ST7: variants seen among roughly 807,000 people sequenced by gnomAD.
The protein encoded by ST7 is suppressor of tumorigenicity 7 protein.
Under a neutral mutation model 78.7 loss-of-function variants are expected in ST7, and 28 were observed. That is an observed-to-expected ratio of 0.36 (90% CI 0.26 to 0.49). The LOEUF (loss-of-function observed/expected upper bound fraction) is 0.49. Ranked by LOEUF, ST7 falls within the 20% of genes least tolerant of loss-of-function variation. The pLI is 0.99. For synonymous variants in ST7, 247 were observed against 249.6 expected (o/e 0.99, Z 0.10); for missense variants, 418 against 696.0 (o/e 0.60, Z 4.49).
At chr7:117,111,763 C>T (rs1197348177) in intron 2 of ST7, among the ~76,000 whole-genome samples, 2 of 152,158 alleles carry the variant, frequency 1.3e-5, no homozygotes, top group Non-Finnish European at 2.9e-5. Context: ...CCAGACCTGC[C>T]AAGTTAGTCT....
intron 1 of ST7, among the ~76,000 whole-genome samples, chr7:116,958,328 G>T (rs1792634911): frequency 6.6e-6 from 1 of 151,830 alleles, no homozygotes; most frequent in South Asian, 2.1e-4. Flanking sequence ...TGTTAATTAA[G>T]CTCATGAATA....
chr7:117,081,631 A>G (rs1220646629), intron 1 of ST7, among the ~76,000 whole-genome samples: 1 of 152,176 alleles, frequency 6.6e-6, no homozygotes, highest in Non-Finnish European at 1.5e-5. Flanking sequence ...TTTGTTTAAC[A>G]TGATTTGATT....
intron 1 of ST7, among the ~76,000 whole-genome samples, chr7:117,063,592 C>T (rs1798470396): frequency 2.0e-5 from 3 of 152,010 alleles, no homozygotes; most frequent in Admixed American, 6.6e-5. Flanking sequence ...ACCTGTAGTC[C>T]CAGCTACCTG....
chr7:116,983,648 C>T (rs892562147), intron 1 of ST7, among the ~76,000 whole-genome samples: 4 of 152,076 alleles, frequency 2.6e-5, no homozygotes, highest in Non-Finnish European at 4.4e-5. Flanking sequence ...GCAGGGCTGC[C>T]GCATGCATCG....
intron 12 of ST7, among the ~76,000 whole-genome samples, chr7:117,196,203 T>C (rs1171836208): frequency 1.3e-5 from 2 of 152,240 alleles, no homozygotes; most frequent in East Asian, 3.8e-4. Context: ...CTCTTGGCTA[T>C]TGTGAATAAT....
At chr7:117,157,563 T>C (rs891254909) in intron 9 of ST7, among the ~76,000 whole-genome samples, 13 of 152,206 alleles carry the variant, frequency 8.5e-5, no homozygotes, top group Non-Finnish European at 1.5e-4. Context: ...CCTGCCAGCA[T>C]GAATATTTGT....
chr7:117,195,799 G>C lies in ST7; in HGVS notation c.1254+4863G>C, dbSNP rs757972349. On this transcript the variant is annotated intron_variant, in intron 12 of 15. Transcript: ENST00000323984. ...GAAGTATAATTCAAGAAGAGATTTGGGTGGGAACACAGCCAAACCATATCA... is the reference window on the plus strand; with the variant it reads ...GAAGTATAATTCAAGAAGAGATTTGCGTGGGAACACAGCCAAACCATATCA... 5.6e-4 allele frequency among the ~76,000 whole-genome samples: 85 copies of C among 152,202 alleles called. 1 individual carries two copies. Among genetic ancestry groups the C allele is most frequent in the Non-Finnish European group, 1.1e-3 (78 of 68,004 alleles).
intron 2 of ST7, among the ~76,000 whole-genome samples, chr7:117,111,583 A>G (rs1004136326): frequency 6.6e-6 from 1 of 152,334 alleles, no homozygotes; most frequent in African/African-American, 2.4e-5. Flanking sequence ...AAAGCTAGCA[A>G]TGACTTTGTT....
chr7:116,953,618 G>A lies in ST7; in HGVS notation c.78G>A (p.Val26=). Residue 26 remains valine (V), a synonymous_variant, in exon 1 of 16, where the codon GTG becomes GTA. Coordinates refer to ENST00000323984, the MANE Select transcript of ST7 (RefSeq NM_001369598.1). The part of the protein sequence containing the change: ...IVWSWTYLWT[V]WFFIVLFLVY... ...GGTCTTGGACGTATCTGTGGACCGTGTGGTTCTTCATCGTGCTATTCCTGG... is the reference window on the plus strand; with the variant it reads ...GGTCTTGGACGTATCTGTGGACCGTATGGTTCTTCATCGTGCTATTCCTGG... 6.6e-7 allele frequency: 1 copy of A among 1,513,286 alleles called. No homozygotes were observed. The highest frequency in any genetic ancestry group is 1.8e-4 in the Middle Eastern group (1 of 5,624). The allele number at this position is 1,513,286 out of a possible 1,614,324, so 93.7% of individuals were successfully genotyped here.
At chr7:117,147,061 G>A (rs1805850696) in intron 9 of ST7, among the ~76,000 whole-genome samples, 1 of 152,032 alleles carries the variant, frequency 6.6e-6, no homozygotes, top group Non-Finnish European at 1.5e-5. Context: ...TGTCTTGTGT[G>A]TTTAATTTAT....
chr7:117,173,346 A>C (rs899900112), intron 10 of ST7: 10 of 152,260 alleles, frequency 6.6e-5, no homozygotes, highest in African/African-American at 2.4e-4. Flanking sequence ...TTTGGTGCTG[A>C]CTTGGCTCAG....
chr7:117,012,319 A>C (rs1181973447), intron 1 of ST7, among the ~76,000 whole-genome samples: 1 of 145,066 alleles, frequency 6.9e-6, no homozygotes, highest in Non-Finnish European at 1.5e-5. Context: ...ATGATCACCT[A>C]CTCTACACAG....
At chr7:117,056,657 TA>T (rs1212409409) in intron 1 of ST7, among the ~76,000 whole-genome samples, 5 of 150,596 alleles carry the variant, frequency 3.3e-5, no homozygotes, top group Admixed American at 6.6e-5. Flanking sequence ...AAAAATAAAT[TA>T]AAAAAAATAA....
At chr7:117,218,781 A>G (rs930995026) in intron 13 of ST7, among the ~76,000 whole-genome samples, 2 of 152,194 alleles carry the variant, frequency 1.3e-5, no homozygotes, top group Non-Finnish European at 2.9e-5. Flanking sequence ...ATAACATTTT[A>G]ATAATATTTA....
At position 117,169,256 on chromosome 7, in the gene ST7, C is replaced by T. The variant is rs189390799; in HGVS notation, c.964-1606C>T. Reference sequence around the variant, plus strand: ...GTTCAAGTGATTCTCCTGCCTCGGCCTCCTAAGTAGCTGGGACTACAGGTG... The same window carrying T: ...GTTCAAGTGATTCTCCTGCCTCGGCTTCCTAAGTAGCTGGGACTACAGGTG... On this transcript the variant is annotated intron_variant, in intron 9 of 15. Transcript: ENST00000323984. 4.6e-5 allele frequency among the ~76,000 whole-genome samples: 7 copies of T among 151,944 alleles called. No individual in the cohort carries two copies. The East Asian group carries it at 9.7e-4, about 21-fold the overall frequency.
At chr7:117,105,123 A>T (rs931440135) in intron 2 of ST7, among the ~76,000 whole-genome samples, 2 of 152,208 alleles carry the variant, frequency 1.3e-5, no homozygotes, top group African/African-American at 4.8e-5. Flanking sequence ...ATGTTCCACA[A>T]TGGAATGTTT....
chr7:116,997,510 C>A (rs1794721685), intron 1 of ST7, among the ~76,000 whole-genome samples: 1 of 152,156 alleles, frequency 6.6e-6, no homozygotes, highest in Non-Finnish European at 1.5e-5. Context: ...CATTTACAAA[C>A]CTTGAGCTAG....
intron 15 of ST7, chr7:117,222,981 A>T (rs753923144): frequency 4.4e-6 from 7 of 1,593,870 alleles, no homozygotes; most frequent in Non-Finnish European, 1.7e-6. Flanking sequence ...CCAAAACTGA[A>T]CTCATCACCC....
chr7:116,966,247 C>CTTTTTTTTTTTTTTTTTTTTTTTT (rs374887005), intron 1 of ST7: 1 of 172,674 alleles, frequency 5.8e-6, no homozygotes, highest in African/African-American at 3.1e-5. Flanking sequence ...TTTTTTCTTT[C>CTTTTTTTTTTTTTTTTTTTTTTTT]TTTTTTTTTT....
Sources: allele counts gnomAD v4.1 joint callset (sites outside exome capture counted in the v4.1 genomes callset), GRCh38; gene constraint gnomAD v4.1.1; transcripts MANE v1.5; gene names NCBI Gene and HGNC (gene_info 2026-07-23, HGNC 2026-07-21).